Variants in LPAR3 observed in about 807,000 individuals in gnomAD.
The protein encoded by LPAR3 is lysophosphatidic acid receptor 3.
LPAR3 carries 7 observed loss-of-function variants against 17.8 expected under a neutral mutation model. The ratio of observed to expected loss-of-function variants is 0.39; its 90% CI spans 0.22 to 0.74. The LOEUF is 0.74. LPAR3 is among the 30% of genes least tolerant of loss of function. The pLI is 0.40. For missense variants in LPAR3, 391 were observed against 453.4 expected, an observed-to-expected ratio of 0.86 and a Z score of 1.25; for synonymous variants, 179 against 179.9, an observed-to-expected ratio of 0.99 and a Z score of 0.04.
At chr1:84,848,308 C>T (rs1230919545) in intron 2 of LPAR3, among the ~76,000 whole-genome samples, 1 of 152,222 alleles carries the variant, frequency 6.6e-6, no homozygotes, top group Admixed American at 6.5e-5. Flanking sequence ...CCCCAGAATG[C>T]CCCTGCTGGG....
intron 1 of LPAR3, among the ~76,000 whole-genome samples, chr1:84,869,495 T>C (rs1660118504): frequency 1.3e-5 from 2 of 152,268 alleles, no homozygotes; most frequent in East Asian, 1.9e-4. Flanking sequence ...ATGAAAAACA[T>C]ACTCACTATG....
intron 2 of LPAR3, among the ~76,000 whole-genome samples, chr1:84,852,083 G>A (rs190449791): frequency 2.8e-5 from 4 of 144,106 alleles, no homozygotes; most frequent in East Asian, 4.0e-4. Context: ...TTGGAGTCTC[G>A]CTCTGTCACC....
chr1:84,887,218 A>AAT (rs1660477002), intron 1 of LPAR3, among the ~76,000 whole-genome samples: 1 of 151,440 alleles, frequency 6.6e-6, no homozygotes, highest in Non-Finnish European at 1.5e-5. Flanking sequence ...AAAATACAAA[A>AAT]AAAAAAAAAT....
rs923246782 is a variant in LPAR3, at chr1:84,811,753, T to C, written c.*2093A>G. ...TTTAGAAGCATGACATCTCAAATCC[T>C]TTTATTACAAGTAGTTCTTGCACAT... On this transcript the variant is annotated 3_prime_UTR_variant, in exon 3 of 3. Transcript: ENST00000370611. 1.3e-5 allele frequency: 2 copies of C among 152,224 alleles called. No individual in the cohort carries two copies. The highest frequency in any genetic ancestry group is 2.4e-5 in the African/African-American group (1 of 41,460). 9.4% of individuals were successfully genotyped at this position (152,224 alleles called of 1,614,324 possible). A position where few individuals can be genotyped will look rare whatever the true frequency, so the allele number is the denominator to read the frequency against.
chr1:84,836,592 A>G (rs1659409647), intron 2 of LPAR3, among the ~76,000 whole-genome samples: 1 of 152,206 alleles, frequency 6.6e-6, no homozygotes, highest in South Asian at 2.1e-4. Context: ...TTTCATTTTC[A>G]ATCAATTAGA....
At chr1:84,846,165 T>G (rs142357264) in intron 2 of LPAR3, among the ~76,000 whole-genome samples, 4 of 152,264 alleles carry the variant, frequency 2.6e-5, no homozygotes, top group African/African-American at 9.6e-5. Flanking sequence ...ATAAAATATG[T>G]CAAAAAGACT....
intron 2 of LPAR3, among the ~76,000 whole-genome samples, chr1:84,835,395 T>C (rs1223805355): frequency 1.3e-5 from 2 of 152,210 alleles, no homozygotes; most frequent in Non-Finnish European, 2.9e-5. Context: ...TCCTTGAACA[T>C]GCACTGTTAT....
intron 2 of LPAR3, among the ~76,000 whole-genome samples, chr1:84,863,638 A>T (rs577300710): frequency 6.6e-6 from 1 of 152,220 alleles, no homozygotes; most frequent in South Asian, 2.1e-4. Flanking sequence ...CAGTCCTGTG[A>T]TTTAAAATAC....
chr1:84,813,520 C>A lies in LPAR3; in HGVS notation c.*326G>T. On this transcript the variant is annotated 3_prime_UTR_variant, in exon 3 of 3. Transcript: ENST00000370611. ...TATTTTGGTCTAAGCCCTTTCATAA[C>A]GTCCTTTTAAAATACAAAGAGAATG... 4.0e-6 allele frequency: 1 copy of A among 247,166 alleles called. No homozygotes were observed. The highest frequency in any genetic ancestry group is 8.7e-5 in the South Asian group (1 of 11,448). 15.3% of individuals were successfully genotyped at this position (247,166 alleles called of 1,614,324 possible). A position where few individuals can be genotyped will look rare whatever the true frequency, so the allele number is the denominator to read the frequency against.
At chr1:84,848,775 C>G (rs1659639949) in intron 2 of LPAR3, among the ~76,000 whole-genome samples, 1 of 152,086 alleles carries the variant, frequency 6.6e-6, no homozygotes, top group Non-Finnish European at 1.5e-5. Context: ...TCTCCCAGTC[C>G]CAGCAGAAGG....
intron 1 of LPAR3, among the ~76,000 whole-genome samples, chr1:84,874,661 G>A (rs953084726): frequency 2.0e-5 from 3 of 152,122 alleles, no homozygotes; most frequent in African/African-American, 4.8e-5. Flanking sequence ...ACTTGTGTTT[G>A]CTTTATATAA....
At chr1:84,867,382 C>T (rs536527930) in intron 1 of LPAR3, among the ~76,000 whole-genome samples, 22 of 152,242 alleles carry the variant, frequency 1.4e-4, no homozygotes, top group African/African-American at 4.3e-4. Context: ...GAGATTCAGT[C>T]GGCAGAGGGA....
At chr1:84,842,991 C>T (rs562844236) in intron 2 of LPAR3, among the ~76,000 whole-genome samples, 7 of 152,216 alleles carry the variant, frequency 4.6e-5, no homozygotes, top group Non-Finnish European at 8.8e-5. Context: ...TCCGTCAAGG[C>T]AATTTCAATC....
intron 2 of LPAR3, among the ~76,000 whole-genome samples, chr1:84,815,901 C>T (rs1189974206): frequency 6.6e-6 from 1 of 152,100 alleles, no homozygotes; most frequent in Non-Finnish European, 1.5e-5. Flanking sequence ...CCTTTTTTCT[C>T]CACCTTGTAT....
intron 2 of LPAR3, among the ~76,000 whole-genome samples, chr1:84,857,380 G>A (rs765011611): frequency 2.0e-5 from 3 of 152,060 alleles, no homozygotes; most frequent in Non-Finnish European, 4.4e-5. Context: ...CTTTCTTACA[G>A]ATGAAAAAAC....
At chr1:84,848,376 T>C (rs1305853041) in intron 2 of LPAR3, among the ~76,000 whole-genome samples, 1 of 152,152 alleles carries the variant, frequency 6.6e-6, no homozygotes, top group East Asian at 1.9e-4. Context: ...CAGTGGTCGG[T>C]TCTTAGCACT....
At chr1:84,888,199 GAGA>G (rs1660495322) in intron 1 of LPAR3, among the ~76,000 whole-genome samples, 4 of 152,004 alleles carry the variant, frequency 2.6e-5, no homozygotes, top group African/African-American at 7.2e-5. Context: ...CAGAGACAGA[GAGA>G]AGGAGGGAGG....
chr1:84,862,494 A>G (rs1345579514), intron 2 of LPAR3, among the ~76,000 whole-genome samples: 1 of 152,254 alleles, frequency 6.6e-6, no homozygotes, highest in Non-Finnish European at 1.5e-5. Context: ...TGGGTATAAT[A>G]GTAGCACCTA....
chr1:84,830,470 C>T (rs1044137137), intron 2 of LPAR3, among the ~76,000 whole-genome samples: 3 of 152,150 alleles, frequency 2.0e-5, no homozygotes, highest in Non-Finnish European at 4.4e-5. Flanking sequence ...CACCTGTGTG[C>T]GAATCTTTCC....
Sources: allele counts gnomAD v4.1 joint callset (sites outside exome capture counted in the v4.1 genomes callset), GRCh38; gene constraint gnomAD v4.1.1; transcripts MANE v1.5; gene names NCBI Gene and HGNC (gene_info 2026-07-23, HGNC 2026-07-21).